The following ZNF804B variants were observed in gnomAD, a reference collection of about 807,000 sequenced individuals.
ZNF804B encodes the protein zinc finger 804B.
ZNF804B carries 80 observed loss-of-function variants against 101.4 expected under a neutral mutation model. That is an observed-to-expected ratio of 0.79 (90% CI 0.66 to 0.95). ZNF804B has a LOEUF of 0.95. Among genes scored for constraint, ZNF804B ranks in the 40% least tolerant of loss-of-function variants. ZNF804B has a pLI of 0.00. For synonymous variants in ZNF804B, 622 were observed against 558.8 expected, an observed-to-expected ratio of 1.11 and a Z score of -1.59; for missense variants, 1,673 against 1,561.9, an observed-to-expected ratio of 1.07 and a Z score of -1.20.
chr7:88,790,032 T>C (rs750259980), intron 1 of ZNF804B, among the ~76,000 whole-genome samples: 3 of 152,048 alleles, frequency 2.0e-5, no homozygotes, highest in Non-Finnish European at 4.4e-5. Context: ...GAAACAAGCA[T>C]AGGATTATCA....
At chr7:89,230,112 CA>C (rs989231689) in intron 2 of ZNF804B, among the ~76,000 whole-genome samples, 34 of 151,402 alleles carry the variant, frequency 2.2e-4, no homozygotes, top group African/African-American at 7.5e-4. Context: ...AAGATCTTAC[CA>C]AAAAAACTGC....
intron 1 of ZNF804B, among the ~76,000 whole-genome samples, chr7:89,174,330 T>A (rs909798507): frequency 1.4e-4 from 22 of 152,220 alleles, no homozygotes; most frequent in African/African-American, 5.3e-4. Flanking sequence ...CTCCCACAAA[T>A]GAGTGAGAGC....
chr7:89,036,410 A>T (rs540035102), intron 1 of ZNF804B, among the ~76,000 whole-genome samples: 4 of 151,936 alleles, frequency 2.6e-5, no homozygotes, highest in Non-Finnish European at 4.4e-5. Flanking sequence ...TAATATTAGT[A>T]TTATGGTAAA....
At chr7:89,211,936 G>A (rs2115680255) in intron 1 of ZNF804B, among the ~76,000 whole-genome samples, 1 of 152,240 alleles carries the variant, frequency 6.6e-6, no homozygotes, top group East Asian at 1.9e-4. Flanking sequence ...ACTTTGAGCA[G>A]TATGGCCATT....
chr7:88,825,462 A>C (rs2115769853), intron 1 of ZNF804B, among the ~76,000 whole-genome samples: 1 of 152,230 alleles, frequency 6.6e-6, no homozygotes, highest in South Asian at 2.1e-4. Flanking sequence ...CAGCACTCTC[A>C]GATTGCAGCC....
chr7:88,783,406 G>A (rs368768562), intron 1 of ZNF804B, among the ~76,000 whole-genome samples: 25 of 152,178 alleles, frequency 1.6e-4, no homozygotes, highest in African/African-American at 5.3e-4. Flanking sequence ...GACTTTGGGC[G>A]CATCTCTACA....
At chr7:89,094,674 A>AT (rs35860742) in intron 1 of ZNF804B, among the ~76,000 whole-genome samples, 72,100 of 151,002 alleles carry the variant, frequency 0.48, 17,686 homozygotes, top group Non-Finnish European at 0.53. Flanking sequence ...TTGTTTATAC[A>AT]TTTTTTTTTC....
At chr7:89,332,133 T>C (rs1204434232) in intron 3 of ZNF804B, among the ~76,000 whole-genome samples, 1 of 151,374 alleles carries the variant, frequency 6.6e-6, no homozygotes, top group African/African-American at 2.4e-5. Context: ...CAAAGATAAA[T>C]AAAGGGAAGC....
chr7:89,201,351 C>G (rs1041084330), intron 1 of ZNF804B, among the ~76,000 whole-genome samples: 1 of 151,980 alleles, frequency 6.6e-6, no homozygotes, highest in African/African-American at 2.4e-5. Flanking sequence ...AAATCACTTA[C>G]TTGTGCTTTG....
At chr7:88,909,754 T>C (rs1052639606) in intron 1 of ZNF804B, among the ~76,000 whole-genome samples, 20 of 151,682 alleles carry the variant, frequency 1.3e-4, no homozygotes, top group Admixed American at 9.2e-4. Context: ...TTGAATTTCA[T>C]TTACAGGTTT....
intron 1 of ZNF804B, among the ~76,000 whole-genome samples, chr7:89,076,363 A>G (rs1562877829): frequency 1.3e-5 from 2 of 151,688 alleles, no homozygotes; most frequent in South Asian, 2.1e-4. Context: ...GATGTTTTTA[A>G]AAAGGGTAGT....
chr7:88,883,441 A>G (rs57212675), intron 1 of ZNF804B, among the ~76,000 whole-genome samples: 28,321 of 152,078 alleles, frequency 0.19, 2,835 homozygotes, highest in African/African-American at 0.28. Context: ...GCTGTAGACA[A>G]TGGAAAGTGA....
intron 2 of ZNF804B, among the ~76,000 whole-genome samples, chr7:89,285,709 T>A (rs1790186059): frequency 6.6e-6 from 1 of 151,864 alleles, no homozygotes; most frequent in African/African-American, 2.4e-5. Flanking sequence ...AGTACCAGAA[T>A]TTAAGATAAG....
intron 1 of ZNF804B, among the ~76,000 whole-genome samples, chr7:89,064,010 A>G (rs1310023588): frequency 6.6e-6 from 1 of 152,172 alleles, no homozygotes; most frequent in African/African-American, 2.4e-5. Flanking sequence ...TCAGTGAAGC[A>G]GGTTGGGTTC....
intron 1 of ZNF804B, among the ~76,000 whole-genome samples, chr7:89,042,143 GAGA>G (rs1407585215): frequency 1.3e-5 from 2 of 152,134 alleles, no homozygotes; most frequent in African/African-American, 4.8e-5. Context: ...GAACCAGACA[GAGA>G]AGGAGATGGA....
At chr7:89,075,642 TCACACAGAGTCCCTA>T (rs1789606224) in intron 1 of ZNF804B, among the ~76,000 whole-genome samples, 1 of 151,632 alleles carries the variant, frequency 6.6e-6, no homozygotes, top group Admixed American at 6.6e-5. Flanking sequence ...ATCAAAGCCC[TCACACAGAGTCCCTA>T]CTGGCGCACC....
At position 89,243,599 on chromosome 7, in the gene ZNF804B, T is replaced by C. The variant is rs538292161; in HGVS notation, c.249+25304T>C. On this transcript the variant is annotated intron_variant, in intron 2 of 3. Transcript: ENST00000333190. ...CCCTACCTAGTAGGAAAGAATGTTGTGTACATTTTTAAAATACTGATTAAC... is the reference window on the plus strand; with the variant it reads ...CCCTACCTAGTAGGAAAGAATGTTGCGTACATTTTTAAAATACTGATTAAC... Among the ~76,000 whole-genome samples, 43 of 151,986 alleles carry C rather than the reference T, an allele frequency of 2.8e-4. 1 individual carries two copies. The highest frequency in any genetic ancestry group is 1.0e-3 in the African/African-American group (42 of 41,558).
intron 1 of ZNF804B, among the ~76,000 whole-genome samples, chr7:89,030,501 G>C (rs1023932957): frequency 6.6e-6 from 1 of 151,978 alleles, no homozygotes; most frequent in Admixed American, 6.6e-5. Flanking sequence ...GATTTATCAA[G>C]ACTTCTGTTA....
At chr7:88,828,011 C>T (rs1742129339) in intron 1 of ZNF804B, among the ~76,000 whole-genome samples, 2 of 151,860 alleles carry the variant, frequency 1.3e-5, no homozygotes, top group South Asian at 4.1e-4. Context: ...TTCTTTTTGT[C>T]ACAATGCATA....
Sources: allele counts gnomAD v4.1 joint callset (sites outside exome capture counted in the v4.1 genomes callset), GRCh38; gene constraint gnomAD v4.1.1; transcripts MANE v1.5; gene names NCBI Gene and HGNC (gene_info 2026-07-23, HGNC 2026-07-21).